The following CCSER1 variants were observed in gnomAD, a reference collection of about 807,000 sequenced individuals.
CCSER1 encodes serine-rich coiled-coil domain-containing protein 1.
CCSER1 carries 41 observed loss-of-function variants against 82.0 expected under a neutral mutation model. The ratio of observed to expected loss-of-function variants is 0.50; its 90% CI spans 0.39 to 0.65. The LOEUF (loss-of-function observed/expected upper bound fraction) is 0.65, where lower values mean the gene tolerates loss of function less well. Among genes scored for constraint, CCSER1 ranks in the 30% least tolerant of loss-of-function variants. CCSER1 has a pLI of 0.00. For synonymous variants in CCSER1, 414 were observed against 383.9 expected (o/e 1.08, Z -0.92); for missense variants, 1,119 against 1,064.2 (o/e 1.05, Z -0.72).
chr4:91,419,522 C>T (rs748006018), intron 10 of CCSER1, among the ~76,000 whole-genome samples: 1 of 151,922 alleles, frequency 6.6e-6, no homozygotes, highest in Non-Finnish European at 1.5e-5. Context: ...CATCTGTACA[C>T]CTAAAATTAT....
chr4:91,393,045 G>C (rs768038597), intron 10 of CCSER1, among the ~76,000 whole-genome samples: 1 of 152,014 alleles, frequency 6.6e-6, no homozygotes, highest in Non-Finnish European at 1.5e-5. Flanking sequence ...AACCAATGGA[G>C]TAATAGATAA....
chr4:91,396,986 C>T (rs190250914), intron 10 of CCSER1, among the ~76,000 whole-genome samples: 134 of 152,132 alleles, frequency 8.8e-4, no homozygotes, highest in African/African-American at 3.1e-3. Context: ...CAATTGCCCT[C>T]CACAATCACA....
At chr4:90,164,564 T>C (rs1730102647) in intron 1 of CCSER1, among the ~76,000 whole-genome samples, 1 of 152,072 alleles carries the variant, frequency 6.6e-6, no homozygotes, top group African/African-American at 2.4e-5. Flanking sequence ...CACAGCTAAC[T>C]GAATATTTTT....
intron 5 of CCSER1, among the ~76,000 whole-genome samples, chr4:90,491,158 G>A (rs1331003524): frequency 2.6e-5 from 3 of 114,290 alleles, no homozygotes; most frequent in African/African-American, 2.0e-4. Flanking sequence ...CATGAGTATG[G>A]AATGTTCTTC....
chr4:90,230,337 A>G (rs1744210411), intron 1 of CCSER1, among the ~76,000 whole-genome samples: 1 of 152,204 alleles, frequency 6.6e-6, no homozygotes, highest in African/African-American at 2.4e-5. Context: ...CCGCTCAACT[A>G]CATGGAAACT....
chr4:90,693,908 A>G (rs1736500418), intron 6 of CCSER1, among the ~76,000 whole-genome samples: 1 of 147,324 alleles, frequency 6.8e-6, no homozygotes, highest in African/African-American at 2.4e-5. Flanking sequence ...AAGAAAGAAG[A>G]AAGAGGAGGA....
chr4:91,116,390 A>T (rs1726601820), intron 10 of CCSER1, among the ~76,000 whole-genome samples: 1 of 152,126 alleles, frequency 6.6e-6, no homozygotes, highest in South Asian at 2.1e-4. Context: ...GTAACAGGAG[A>T]GCCTAGTGAT....
At chr4:90,745,867 ATT>A (rs111497643) in intron 7 of CCSER1, among the ~76,000 whole-genome samples, 1 of 146,908 alleles carries the variant, frequency 6.8e-6, no homozygotes, top group Non-Finnish European at 1.5e-5. Context: ...ATTTTTTTTA[ATT>A]TTTTTTTTCT....
At chr4:90,989,591 C>T (rs1736852314) in intron 9 of CCSER1, among the ~76,000 whole-genome samples, 1 of 151,704 alleles carries the variant, frequency 6.6e-6, no homozygotes, top group African/African-American at 2.4e-5. Context: ...GACTGACATG[C>T]AGAAATAATG....
At chr4:90,600,101 A>G (rs1254520416) in intron 5 of CCSER1, among the ~76,000 whole-genome samples, 1 of 152,178 alleles carries the variant, frequency 6.6e-6, no homozygotes, top group Non-Finnish European at 1.5e-5. Flanking sequence ...CACACACTGT[A>G]TCCATTGACC....
At chr4:91,381,621 T>C (rs1750902499) in intron 10 of CCSER1, among the ~76,000 whole-genome samples, 2 of 152,208 alleles carry the variant, frequency 1.3e-5, no homozygotes, top group African/African-American at 4.8e-5. Context: ...TTCTCTACAC[T>C]GATTATTCTA....
intron 8 of CCSER1, among the ~76,000 whole-genome samples, chr4:90,902,543 G>T (rs1053875284): frequency 1.3e-5 from 2 of 151,836 alleles, no homozygotes; most frequent in African/African-American, 4.8e-5. Context: ...TTTATTTCTG[G>T]GTGCTTTGAG....
At chr4:91,220,052 C>A (rs1737613251) in intron 10 of CCSER1, among the ~76,000 whole-genome samples, 1 of 152,146 alleles carries the variant, frequency 6.6e-6, no homozygotes, top group Non-Finnish European at 1.5e-5. Context: ...CACAGTTTAT[C>A]CCTTTTGACC....
chr4:91,426,423 A>G (rs1753976049), intron 10 of CCSER1, among the ~76,000 whole-genome samples: 1 of 152,180 alleles, frequency 6.6e-6, no homozygotes, highest in South Asian at 2.1e-4. Context: ...TTGCTGGATC[A>G]AATGGTATTT....
intron 1 of CCSER1, among the ~76,000 whole-genome samples, chr4:90,220,834 A>G (rs1742014191): frequency 6.6e-6 from 1 of 152,194 alleles, no homozygotes; most frequent in Non-Finnish European, 1.5e-5. Context: ...TCATTGCACC[A>G]CAATCACACA....
chr4:91,321,125 G>A (rs1365959359), intron 10 of CCSER1, among the ~76,000 whole-genome samples: 2 of 152,058 alleles, frequency 1.3e-5, no homozygotes, highest in Non-Finnish European at 2.9e-5. Context: ...CCCAAAATTA[G>A]TTAGAATAAG....
intron 10 of CCSER1, among the ~76,000 whole-genome samples, chr4:91,431,229 C>T (rs1373986101): frequency 2.0e-5 from 3 of 152,082 alleles, no homozygotes; most frequent in African/African-American, 7.2e-5. Flanking sequence ...GAGCGAGACT[C>T]CATCTCAAAA....
At chr4:90,756,401 A>C (rs1174059980) in intron 7 of CCSER1, among the ~76,000 whole-genome samples, 4 of 152,088 alleles carry the variant, frequency 2.6e-5, no homozygotes, top group Non-Finnish European at 5.9e-5. Context: ...AATAATACAA[A>C]CAACTTTTCA....
intron 10 of CCSER1, among the ~76,000 whole-genome samples, chr4:91,296,803 T>A (rs949846249): frequency 2.0e-5 from 3 of 151,656 alleles, no homozygotes; most frequent in African/African-American, 4.8e-5. Flanking sequence ...TGGGATTTTT[T>A]AAAATCTACC....
Sources: gnomAD v4.1 joint callset for allele counts (sites outside exome capture counted in the v4.1 genomes callset) on GRCh38, gnomAD v4.1.1 for gene constraint, MANE v1.5 for transcripts, NCBI Gene and HGNC (gene_info 2026-07-23, HGNC 2026-07-21) for gene names.